The following DLG2 variants were observed in gnomAD, a reference collection of about 807,000 sequenced individuals.
DLG2 encodes disks large homolog 2.
DLG2 carries 45 observed loss-of-function variants against 132.5 expected under a neutral mutation model. That is an observed-to-expected ratio of 0.34 (90% CI 0.27 to 0.44). DLG2 has a LOEUF of 0.44. DLG2 is among the 20% of genes least tolerant of loss of function. The probability of loss-of-function intolerance (pLI) is 1.00; values close to 1 mark genes in which losing one functional copy is unlikely to be tolerated. For missense variants in DLG2, 1,045 were observed against 1,196.9 expected, an observed-to-expected ratio of 0.87 and a Z score of 1.87; for synonymous variants, 424 against 419.6, an observed-to-expected ratio of 1.01 and a Z score of -0.13.
At chr11:84,782,585 G>T (rs2072022972) in intron 6 of DLG2, among the ~76,000 whole-genome samples, 2 of 152,030 alleles carry the variant, frequency 1.3e-5, no homozygotes, top group South Asian at 4.1e-4. Context: ...CCTAGGTTGT[G>T]GAAATGGCAC....
intron 6 of DLG2, among the ~76,000 whole-genome samples, chr11:85,055,075 G>A (rs1163743935): frequency 6.6e-6 from 1 of 152,056 alleles, no homozygotes; most frequent in African/African-American, 2.4e-5. Flanking sequence ...AAAGAACAAT[G>A]GACTGGATTC....
At chr11:84,287,575 A>C (rs1055027690) in intron 7 of DLG2, among the ~76,000 whole-genome samples, 1 of 152,048 alleles carries the variant, frequency 6.6e-6, no homozygotes. Flanking sequence ...GCTCTAATCA[A>C]TGTATCTTCA....
chr11:84,082,293 G>T (rs1292990800), intron 10 of DLG2, among the ~76,000 whole-genome samples: 1 of 152,146 alleles, frequency 6.6e-6, no homozygotes. Context: ...TCAACTGTTT[G>T]AAAATATGCA....
chr11:84,202,363 G>C (rs1019161814), intron 8 of DLG2, among the ~76,000 whole-genome samples: 8 of 152,176 alleles, frequency 5.3e-5, no homozygotes, highest in Non-Finnish European at 8.8e-5. Context: ...AATAAGCAAT[G>C]AGGAAAGGAT....
intron 8 of DLG2, among the ~76,000 whole-genome samples, chr11:84,182,227 G>T (rs965061690): frequency 2.0e-5 from 3 of 152,116 alleles, no homozygotes; most frequent in African/African-American, 7.2e-5. Context: ...AAGACAGCTG[G>T]AAAATTATGA....
intron 3 of DLG2, among the ~76,000 whole-genome samples, chr11:85,477,508 A>C (rs553167044): frequency 7.9e-5 from 12 of 152,372 alleles, no homozygotes; most frequent in African/African-American, 2.6e-4. Flanking sequence ...GAGAATAAAT[A>C]GTGGTAACAG....
At chr11:84,299,844 C>T (rs2098132806) in intron 7 of DLG2, among the ~76,000 whole-genome samples, 1 of 152,086 alleles carries the variant, frequency 6.6e-6, no homozygotes, top group African/African-American at 2.4e-5. Flanking sequence ...TACTAGAAAC[C>T]AGACTGCTGT....
At chr11:84,360,466 T>C (rs1334033867) in intron 7 of DLG2, among the ~76,000 whole-genome samples, 1 of 151,818 alleles carries the variant, frequency 6.6e-6, no homozygotes, top group East Asian at 1.9e-4. Context: ...AAAAAATATA[T>C]GATTCAACAA....
chr11:83,641,508 C>A (rs1202754955), intron 18 of DLG2, among the ~76,000 whole-genome samples: 1 of 152,124 alleles, frequency 6.6e-6, no homozygotes, highest in Admixed American at 6.5e-5. Context: ...ACAGAAGGGG[C>A]CCAGTCACAT....
chr11:85,196,110 GA>G (rs2081047742), intron 4 of DLG2, among the ~76,000 whole-genome samples: 1 of 152,084 alleles, frequency 6.6e-6, no homozygotes, highest in Non-Finnish European at 1.5e-5. Context: ...TATACTTAGG[GA>G]AACAAAGCAC....
Position 83,698,355 on chromosome 11 carries a change from T to C in DLG2, c.1826-65030A>G, listed in dbSNP as rs146016553. Reference sequence around the variant, plus strand: ...GTGTTTCATTTTCATATAATTATAATGTGCAGAAGAACATAGCAGCATCTT... The same window carrying C: ...GTGTTTCATTTTCATATAATTATAACGTGCAGAAGAACATAGCAGCATCTT... On this transcript the variant is annotated intron_variant, in intron 18 of 27. Transcript: ENST00000376104. 4.2e-4 allele frequency among the ~76,000 whole-genome samples: 64 copies of C among 152,342 alleles called. 1 individual carries two copies. In the South Asian group the frequency reaches 8.3e-3, roughly 20 times the overall value.
intron 6 of DLG2, among the ~76,000 whole-genome samples, chr11:84,786,915 G>A (rs1468425891): frequency 6.6e-6 from 1 of 152,156 alleles, no homozygotes; most frequent in African/African-American, 2.4e-5. Flanking sequence ...ATTCTCTGAA[G>A]TAAGTCTGTG....
intron 6 of DLG2, among the ~76,000 whole-genome samples, chr11:84,735,457 T>C (rs759786213): frequency 3.3e-5 from 5 of 152,208 alleles, no homozygotes; most frequent in African/African-American, 9.6e-5. Flanking sequence ...GATGGTAGTT[T>C]GTATTTCTGT....
At chr11:84,183,952 C>T (rs1048289367) in intron 8 of DLG2, among the ~76,000 whole-genome samples, 7 of 152,076 alleles carry the variant, frequency 4.6e-5, no homozygotes, top group South Asian at 2.1e-4. Context: ...ATATGTGCCA[C>T]ATTTTCTTAA....
chr11:83,927,046 G>A (rs1434617599), intron 15 of DLG2, among the ~76,000 whole-genome samples: 1 of 152,132 alleles, frequency 6.6e-6, no homozygotes, highest in African/African-American at 2.4e-5. Flanking sequence ...TTGTTTCTAT[G>A]CATGGATTCA....
intron 16 of DLG2, among the ~76,000 whole-genome samples, chr11:83,847,907 GA>G (rs1286516089): frequency 1.3e-5 from 2 of 152,128 alleles, no homozygotes; most frequent in African/African-American, 4.8e-5. Flanking sequence ...TTCCGTAATT[GA>G]AATTTTGGGA....
chr11:85,390,651 C>A (rs1278915711), intron 3 of DLG2, among the ~76,000 whole-genome samples: 1 of 151,952 alleles, frequency 6.6e-6, no homozygotes, highest in Admixed American at 6.6e-5. Flanking sequence ...CAAAATCATG[C>A]AAATACATAA....
intron 6 of DLG2, among the ~76,000 whole-genome samples, chr11:84,783,181 G>A (rs2072140304): frequency 6.6e-6 from 1 of 152,102 alleles, no homozygotes; most frequent in Non-Finnish European, 1.5e-5. Context: ...CTACTAAGAG[G>A]AAGCTTTCAT....
At chr11:84,588,937 G>T (rs938168030) in intron 6 of DLG2, among the ~76,000 whole-genome samples, 3 of 152,064 alleles carry the variant, frequency 2.0e-5, no homozygotes, top group African/African-American at 4.8e-5. Flanking sequence ...TGAGATCAAA[G>T]AACCCTCTCT....
Sources: allele counts gnomAD v4.1 joint callset (sites outside exome capture counted in the v4.1 genomes callset), GRCh38; gene constraint gnomAD v4.1.1; transcripts MANE v1.5; gene names NCBI Gene and HGNC (gene_info 2026-07-23, HGNC 2026-07-21).